Variants in USH2A observed in about 807,000 individuals in gnomAD.
USH2A encodes the protein usherin.
USH2A carries 443 observed loss-of-function variants against 538.9 expected under a neutral mutation model. That is an observed-to-expected ratio of 0.82 (90% CI 0.76 to 0.89). The LOEUF (loss-of-function observed/expected upper bound fraction) is 0.89. USH2A is among the 40% of genes least tolerant of loss of function. The pLI is 0.00. For missense variants in USH2A, 6,633 were observed against 6,324.8 expected, an observed-to-expected ratio of 1.05 and a Z score of -1.65; for synonymous variants, 2,413 against 2,273.5, an observed-to-expected ratio of 1.06 and a Z score of -1.75.
At chr1:215,868,836 G>A (rs1416499991) in intron 43 of USH2A, among the ~76,000 whole-genome samples, 5 of 152,238 alleles carry the variant, frequency 3.3e-5, no homozygotes, top group African/African-American at 1.2e-4. Flanking sequence ...AGGGCTACCA[G>A]AAGTTGGAAG....
chr1:216,061,151 T>C (rs1029784589), intron 30 of USH2A, among the ~76,000 whole-genome samples: 1 of 152,192 alleles, frequency 6.6e-6, no homozygotes, highest in East Asian at 1.9e-4. Context: ...CCTTGGACTC[T>C]CCATTGCAAC....
chr1:216,406,414 C>A (rs2039395134), intron 3 of USH2A, among the ~76,000 whole-genome samples: 3 of 152,096 alleles, frequency 2.0e-5, no homozygotes, highest in African/African-American at 7.2e-5. Context: ...TATGGTGATA[C>A]TTTCATGGGC....
rs181988288 is a variant in USH2A, at chr1:215,724,875, T to C, written c.12066+3155A>G. On this transcript the variant is annotated intron_variant, in intron 61 of 71. Coordinates refer to ENST00000307340, the MANE Select transcript of USH2A (RefSeq NM_206933.4). ...CAAATCAGATTGAATTGTCAATAAT[T>C]TGTTGGACCCTGAAGCCCCTTTGTG... 1.0e-3 allele frequency among the ~76,000 whole-genome samples: 155 copies of C among 152,256 alleles called. 2 individuals are homozygous for C. In the South Asian group the frequency reaches 0.011, roughly 10 times the overall value.
chr1:216,079,741 C>T (rs2031873194), intron 26 of USH2A, among the ~76,000 whole-genome samples: 1 of 152,076 alleles, frequency 6.6e-6, no homozygotes, highest in Non-Finnish European at 1.5e-5. Context: ...ACATTGAAAA[C>T]AAAATCTCGA....
intron 38 of USH2A, among the ~76,000 whole-genome samples, chr1:215,904,018 A>C (rs1250963395): frequency 6.6e-6 from 1 of 152,180 alleles, no homozygotes; most frequent in Non-Finnish European, 1.5e-5. Flanking sequence ...ATTGATTTAT[A>C]ATAAGTGCAT....
At chr1:216,203,343 G>A (rs1310001186) in intron 16 of USH2A, among the ~76,000 whole-genome samples, 1 of 151,874 alleles carries the variant, frequency 6.6e-6, no homozygotes. Context: ...GTTAGGCAGA[G>A]TAAGAGATTA....
intron 20 of USH2A, among the ~76,000 whole-genome samples, chr1:216,185,294 T>TTA (rs2034576472): frequency 6.6e-6 from 1 of 151,944 alleles, no homozygotes; most frequent in South Asian, 2.1e-4. Context: ...ATACTCTGGA[T>TTA]GAAATGTACC....
At chr1:215,870,537 C>A (rs1182102766) in intron 43 of USH2A, among the ~76,000 whole-genome samples, 1 of 150,786 alleles carries the variant, frequency 6.6e-6, no homozygotes, top group Non-Finnish European at 1.5e-5. Context: ...CCTCATGATC[C>A]ACCCACCTCG....
intron 62 of USH2A, among the ~76,000 whole-genome samples, chr1:215,678,367 C>T (rs1472601800): frequency 6.6e-6 from 1 of 152,138 alleles, no homozygotes; most frequent in East Asian, 1.9e-4. Flanking sequence ...TTTCTTTCTC[C>T]CAAATACTTC....
chr1:215,626,309 A>G (rs372318943), intron 71 of USH2A, among the ~76,000 whole-genome samples: 64 of 150,100 alleles, frequency 4.3e-4, no homozygotes, highest in African/African-American at 1.4e-3. Context: ...CTATATATAT[A>G]TATGTATGTA....
At chr1:215,709,643 TG>T (rs1254534674) in intron 61 of USH2A, among the ~76,000 whole-genome samples, 1 of 75,130 alleles carries the variant, frequency 1.3e-5, no homozygotes, top group East Asian at 5.4e-4. Flanking sequence ...GAAGATAATT[TG>T]TAAAAAAAAA....
intron 2 of USH2A, among the ~76,000 whole-genome samples, chr1:216,421,524 A>T (rs1242968193): frequency 6.6e-6 from 1 of 152,174 alleles, no homozygotes; most frequent in African/African-American, 2.4e-5. Flanking sequence ...ATTTGTATTA[A>T]TTACAAGTTT....
At chr1:215,717,983 A>C (rs932644075) in intron 61 of USH2A, among the ~76,000 whole-genome samples, 2 of 152,194 alleles carry the variant, frequency 1.3e-5, no homozygotes, top group Non-Finnish European at 2.9e-5. Flanking sequence ...ATTCTAATTT[A>C]TGTGTAGTCA....
intron 21 of USH2A, among the ~76,000 whole-genome samples, chr1:216,106,456 T>C (rs1558261582): frequency 6.6e-6 from 1 of 151,260 alleles, no homozygotes; most frequent in South Asian, 2.1e-4. Context: ...ATTGAGATAA[T>C]ATGATATTTT....
intron 38 of USH2A, among the ~76,000 whole-genome samples, chr1:215,923,194 G>C (rs904058121): frequency 6.6e-6 from 1 of 152,010 alleles, no homozygotes; most frequent in Non-Finnish European, 1.5e-5. Context: ...TCAAGTGGCA[G>C]AAAACACAAC....
intron 48 of USH2A, among the ~76,000 whole-genome samples, chr1:215,815,728 A>G (rs1662843139): frequency 6.6e-6 from 1 of 152,008 alleles, no homozygotes. Context: ...TAATATGAAC[A>G]TTTTAAGAAC....
chr1:216,071,838 T>C (rs1475572021), intron 29 of USH2A, among the ~76,000 whole-genome samples: 1 of 152,210 alleles, frequency 6.6e-6, no homozygotes, highest in Admixed American at 6.6e-5. Flanking sequence ...GCTCTGAAGT[T>C]GAAAAGAATT....
chr1:216,211,321 G>T (rs2035236021), intron 15 of USH2A, among the ~76,000 whole-genome samples: 1 of 152,058 alleles, frequency 6.6e-6, no homozygotes, highest in Admixed American at 6.5e-5. Context: ...TTAGAAGTTG[G>T]GGGCAGCCTT....
chr1:216,240,855 A>G (rs2035924025), intron 13 of USH2A, among the ~76,000 whole-genome samples: 1 of 152,176 alleles, frequency 6.6e-6, no homozygotes, highest in African/African-American at 2.4e-5. Context: ...CTAGTATAGC[A>G]GCAAATGTTA....
Sources: gnomAD v4.1 joint callset for allele counts (sites outside exome capture counted in the v4.1 genomes callset) on GRCh38, gnomAD v4.1.1 for gene constraint, MANE v1.5 for transcripts, NCBI Gene and HGNC (gene_info 2026-07-23, HGNC 2026-07-21) for gene names.